PPP3CC: variants seen among roughly 807,000 people sequenced by gnomAD.
The protein encoded by PPP3CC is serine/threonine-protein phosphatase 2B catalytic subunit gamma isoform.
A neutral mutation model predicts 60.3 loss-of-function variants in PPP3CC; 35 were observed. The ratio of observed to expected loss-of-function variants is 0.58; its 90% CI spans 0.44 to 0.77. The LOEUF is 0.77. Ranked by LOEUF, PPP3CC falls within the 30% of genes least tolerant of loss-of-function variation. The pLI is 0.00. For missense variants in PPP3CC, 570 were observed against 628.9 expected, an observed-to-expected ratio of 0.91 and a Z score of 1.00; for synonymous variants, 206 against 224.3, an observed-to-expected ratio of 0.92 and a Z score of 0.73.
chr8:22,449,766 G>T (rs955348812), intron 1 of PPP3CC, among the ~76,000 whole-genome samples: 3 of 151,728 alleles, frequency 2.0e-5, no homozygotes, highest in Non-Finnish European at 4.4e-5. Context: ...TACATAAAAT[G>T]AAGAAAAAGA....
At chr8:22,515,118 C>G (rs913712273) in intron 6 of PPP3CC, among the ~76,000 whole-genome samples, 5 of 152,248 alleles carry the variant, frequency 3.3e-5, no homozygotes, top group African/African-American at 1.2e-4. Context: ...CCCATTTCCC[C>G]TCTTACTACC....
At chr8:22,481,002 A>G (rs2132477811) in intron 3 of PPP3CC, among the ~76,000 whole-genome samples, 1 of 152,350 alleles carries the variant, frequency 6.6e-6, no homozygotes, top group Admixed American at 6.5e-5. Context: ...AAGGCTCAGA[A>G]CATCTGATCA....
intron 9 of PPP3CC, 60 bp from the exon 10 acceptor site, chr8:22,528,446 T>C (rs1404847738): frequency 1.7e-6 from 2 of 1,163,410 alleles, no homozygotes; most frequent in Non-Finnish European, 2.4e-6. Context: ...GATATCCACA[T>C]TATTTTAGAG....
rs1056283546 is a variant in PPP3CC at position 22,493,028 on chromosome 8, C to T, written c.373-4973C>T. ...CACCACTTGCTACTGGAGAGGATGA[C>T]GATGAAGTTCCAGCTCTTGTGGAGA... On this transcript the variant is annotated intron_variant, in intron 3 of 13. Transcript: ENST00000240139. 2.8e-5 allele frequency: 38 copies of T among 1,333,378 alleles called. 1 individual carries two copies. The highest frequency in any genetic ancestry group is 2.2e-4 in the African/African-American group (15 of 69,326). The allele number at this position is 1,333,378 out of a possible 1,614,324, so 82.6% of individuals were successfully genotyped here.
intron 1 of PPP3CC, among the ~76,000 whole-genome samples, chr8:22,462,310 TG>T: frequency 6.6e-6 from 1 of 152,284 alleles, no homozygotes; most frequent in Middle Eastern, 3.4e-3. Flanking sequence ...CGGTTTGGTT[TG>T]GTTCAGTTTA....
intron 3 of PPP3CC, among the ~76,000 whole-genome samples, chr8:22,479,810 G>C (rs4872000): frequency 6.6e-6 from 1 of 151,374 alleles, no homozygotes; most frequent in East Asian, 1.9e-4. Flanking sequence ...GACTGAGCGG[G>C]CTTTGGTATG....
chr8:22,483,266 A>T (rs1354882024), intron 3 of PPP3CC, among the ~76,000 whole-genome samples: 1 of 152,036 alleles, frequency 6.6e-6, no homozygotes, highest in South Asian at 2.1e-4. Context: ...ATGTCATTTT[A>T]TTTTTTTATT....
At chr8:22,514,173 G>T (rs755280118) in intron 6 of PPP3CC, among the ~76,000 whole-genome samples, 1 of 149,944 alleles carries the variant, frequency 6.7e-6, no homozygotes, top group Non-Finnish European at 1.5e-5. Context: ...ACTTGAACCT[G>T]GGAGGTGTAG....
intron 1 of PPP3CC, among the ~76,000 whole-genome samples, chr8:22,448,276 G>A (rs1836893865): frequency 6.6e-6 from 1 of 152,034 alleles, no homozygotes; most frequent in Non-Finnish European, 1.5e-5. Flanking sequence ...CAAGTACAGT[G>A]TCAAGCCTGG....
At chr8:22,489,095 C>G (rs1341244744) in intron 3 of PPP3CC, among the ~76,000 whole-genome samples, 1 of 151,676 alleles carries the variant, frequency 6.6e-6, no homozygotes, top group Non-Finnish European at 1.5e-5. Context: ...AAAACAATTA[C>G]TTTGGCTGTT....
At chr8:22,513,479 C>A in intron 6 of PPP3CC, 47 bp downstream of exon 6, 1 of 1,519,528 alleles carries the variant, frequency 6.6e-7, no homozygotes, top group South Asian at 1.3e-5. Context: ...AACTGTAATT[C>A]ATTTTATCAG....
At chr8:22,449,199 A>G (rs1836929443) in intron 1 of PPP3CC, among the ~76,000 whole-genome samples, 1 of 152,202 alleles carries the variant, frequency 6.6e-6, no homozygotes, top group Admixed American at 6.5e-5. Context: ...CTGTAATCCC[A>G]GTACTTTGGG....
intron 1 of PPP3CC, among the ~76,000 whole-genome samples, chr8:22,446,805 C>CAAAAAAAAAAAAAAA (rs34407184): frequency 4.6e-5 from 1 of 21,956 alleles, no homozygotes; most frequent in Non-Finnish European, 1.3e-4. Flanking sequence ...GACTCTGTCT[C>CAAAAAAAAAAAAAAA]AAAAAAAAAA....
chr8:22,450,846 TATTTATTG>T lies in PPP3CC; in HGVS notation c.49+9390_49+9397del, dbSNP rs1192281784. Among the ~76,000 whole-genome samples, 14 of 136,108 alleles carry T rather than the reference TATTTATTG, an allele frequency of 1.0e-4. No homozygotes were observed. The Admixed American group carries it at 1.1e-3, about 10-fold the overall frequency. 89.3% of individuals were successfully genotyped at this position (136,108 alleles called of 152,430 possible). A position where few individuals can be genotyped will look rare whatever the true frequency, so the allele number is the denominator to read the frequency against. On this transcript the variant is annotated intron_variant, in intron 1 of 13. Coordinates refer to ENST00000240139, the MANE Select transcript of PPP3CC (RefSeq NM_005605.5). Reference sequence around the variant, plus strand: ...TTATTTATTTATTTATTTATTTATTTATTTATTGAGACGGAGTCTCGCTCTGTCACCCA... The same window carrying T: ...TTATTTATTTATTTATTTATTTATTTAGACGGAGTCTCGCTCTGTCACCCA...
intron 12 of PPP3CC, among the ~76,000 whole-genome samples, chr8:22,534,294 C>A (rs919473158): frequency 5.3e-5 from 8 of 151,316 alleles, no homozygotes; most frequent in African/African-American, 1.9e-4. Context: ...TGGTGACTTA[C>A]ACCTGTTATC....
chr8:22,512,605 A>G (rs1306040509), intron 5 of PPP3CC, among the ~76,000 whole-genome samples: 2 of 152,244 alleles, frequency 1.3e-5, no homozygotes, highest in African/African-American at 4.8e-5. Flanking sequence ...TTCTGCTGTC[A>G]TGGTAACATT....
Position 22,498,069 on chromosome 8 carries a change from T to A in PPP3CC, c.441T>A (p.His147Gln). ...CATTGTTTCTGCTTCGGGGAAATCA[T>A]GAATGCAGGCATCTTACAGACTATT... The part of the protein sequence containing the change: ...PKTLFLLRGN[H>Q]ECRHLTDYFT... Residue 147 changes from histidine (H) to glutamine (Q), a missense_variant, in exon 4 of 14, where the codon CAT (histidine) becomes CAA (glutamine). Transcript: ENST00000240139. 6.2e-7 allele frequency: 1 copy of A among 1,613,158 alleles called. No homozygotes were observed. Among genetic ancestry groups the A allele is most frequent in the African/African-American group, 1.3e-5 (1 of 75,020 alleles).
At chr8:22,460,508 T>G (rs1015182424) in intron 1 of PPP3CC, among the ~76,000 whole-genome samples, 9 of 151,840 alleles carry the variant, frequency 5.9e-5, no homozygotes, top group African/African-American at 2.2e-4. Context: ...TTTCGAAACT[T>G]TAAAAAATAG....
Position 22,524,924 on chromosome 8 carries a change from G to C in PPP3CC, c.943+2175G>C, listed in dbSNP as rs544552720. Among the ~76,000 whole-genome samples the C allele has an allele frequency of 2.6e-5, 4 of 152,258 alleles. 1 individual carries two copies. The highest frequency in any genetic ancestry group is 5.9e-5 in the Non-Finnish European group (4 of 68,028). The stretch of plus-strand genomic sequence containing the variant: ...CAGCACTTTGGGAGGCCAAGGGGAG[G>C]ATCACTTGAGGCCTAGAATTCAAGA... On this transcript the variant is annotated intron_variant, in intron 8 of 13. Coordinates refer to ENST00000240139, the MANE Select transcript of PPP3CC (RefSeq NM_005605.5).
Sources: gnomAD v4.1 joint callset for allele counts (sites outside exome capture counted in the v4.1 genomes callset) on GRCh38, gnomAD v4.1.1 for gene constraint, MANE v1.5 for transcripts, NCBI Gene and HGNC (gene_info 2026-07-23, HGNC 2026-07-21) for gene names.